MAP4: variants seen among roughly 807,000 people sequenced by gnomAD.
MAP4 encodes the protein microtubule associated protein 4, also known as microtubule-associated protein 4.
In MAP4, 76 loss-of-function variants were observed where a neutral mutation model predicts 170.2. The observed-to-expected ratio is 0.45, with a 90% CI of 0.37 to 0.54. The LOEUF is 0.54. Ranked by LOEUF, MAP4 falls within the 20% of genes least tolerant of loss-of-function variation. The pLI is 0.00. For synonymous variants in MAP4, 909 were observed against 994.5 expected, an observed-to-expected ratio of 0.91 and a Z score of 1.62; for missense variants, 2,506 against 2,748.0, an observed-to-expected ratio of 0.91 and a Z score of 1.97.
intron 2 of MAP4, among the ~76,000 whole-genome samples, chr3:47,979,783 T>A (rs1166947576): frequency 6.6e-6 from 1 of 152,008 alleles, no homozygotes; most frequent in Non-Finnish European, 1.5e-5. Context: ...TAAGGTAATA[T>A]GAGCCCTCCA....
chr3:47,897,834 C>T (rs193001820), intron 10 of MAP4, among the ~76,000 whole-genome samples: 8 of 150,188 alleles, frequency 5.3e-5, no homozygotes, highest in Non-Finnish European at 8.9e-5. Flanking sequence ...CCCAGCTACT[C>T]GGGAGTCTGA....
At chr3:48,078,311 A>ATTTTT (rs758589017) in intron 1 of MAP4, among the ~76,000 whole-genome samples, 1 of 125,240 alleles carries the variant, frequency 8.0e-6, no homozygotes, top group Non-Finnish European at 1.7e-5. Context: ...TGCCTGGCTA[A>ATTTTT]TTTTTTTTTT....
intron 1 of MAP4, among the ~76,000 whole-genome samples, chr3:48,046,226 G>A (rs1331278963): frequency 6.6e-6 from 1 of 151,806 alleles, no homozygotes; most frequent in African/African-American, 2.4e-5. Flanking sequence ...ATCGGTTATC[G>A]ATTTTTCTTA....
Position 47,877,457 on chromosome 3 carries a change from G to T in MAP4, c.5501C>A (p.Pro1834Gln), listed in dbSNP as rs1394465882. ...TGGGCTTGGTGGGAGCTCCTTGTTC[G>T]GTGGGGTGGTGATGTCATTTCCTGT... ...SGTGNDITTP[P>Q]NKELPPSPEK... is the part of the protein sequence containing the mutation. The change falls in exon 11 of 21, where the codon CCG becomes CAG. Residue 1834 changes from proline to glutamine, a missense_variant. Physicochemically the swap from Pro to Gln is moderately conservative, Grantham distance 76 (BLOSUM62 -1). Around this residue, in one of 3 missense-constraint regions of MAP4, gnomAD observed 2,008 missense variants for 2,206.0 expected, o/e 0.91. Coordinates refer to ENST00000683076, the MANE Select transcript of MAP4 (RefSeq NM_001385682.1). 1.9e-6 allele frequency: 3 copies of T among 1,614,026 alleles called. No homozygotes were observed. Among genetic ancestry groups the T allele is most frequent in the Middle Eastern group, 1.7e-4 (1 of 6,060 alleles).
chr3:48,037,192 G>A (rs752212008), intron 1 of MAP4, among the ~76,000 whole-genome samples: 1 of 152,190 alleles, frequency 6.6e-6, no homozygotes, highest in Non-Finnish European at 1.5e-5. Flanking sequence ...GCTGTCACAA[G>A]AGGTACAGAA....
intron 20 of MAP4, 104 bp downstream of exon 20, chr3:47,853,059 T>C (rs1244169561): frequency 6.2e-7 from 1 of 1,614,180 alleles, no homozygotes; most frequent in African/African-American, 1.3e-5. Context: ...AAAAGGTTAC[T>C]TCATTAAAAT....
chr3:48,029,567 G>C (rs562162916), intron 1 of MAP4, among the ~76,000 whole-genome samples: 143 of 152,188 alleles, frequency 9.4e-4, no homozygotes, highest in African/African-American at 3.4e-3. Context: ...TTATGGAAAA[G>C]GCAAGAATGC....
Position 47,998,834 on chromosome 3 carries a change from T to C in MAP4, c.27A>G (p.Ala9=). The C allele has an allele frequency of 1.2e-6, 2 of 1,614,164 alleles. No homozygotes were observed. The highest frequency in any genetic ancestry group is 1.7e-6 in the Non-Finnish European group (2 of 1,179,984). The change falls in exon 2 of 21, where the codon GCA becomes GCG. Residue 9 remains alanine (A), a synonymous_variant. Transcript: ENST00000683076. MADLSLAD[A]LTEPSPDIEG... ...CAATGTCTGGAGATGGTTCTGTTAA[T>C]GCATCTGCAAGACTGAGGTCAGCCA...
At chr3:47,938,751 C>G (rs1398752508) in intron 3 of MAP4, among the ~76,000 whole-genome samples, 1 of 152,210 alleles carries the variant, frequency 6.6e-6, no homozygotes, top group Non-Finnish European at 1.5e-5. Context: ...GCCCTTTCAT[C>G]TCTCTTAGTC....
chr3:47,957,149 T>C (rs754567406), intron 3 of MAP4, among the ~76,000 whole-genome samples: 5 of 152,158 alleles, frequency 3.3e-5, no homozygotes, highest in Non-Finnish European at 5.9e-5. Flanking sequence ...TCTACCACCA[T>C]GACATTCCAC....
chr3:48,076,155 C>T (rs561091006), intron 1 of MAP4, among the ~76,000 whole-genome samples: 2 of 151,412 alleles, frequency 1.3e-5, no homozygotes, highest in South Asian at 4.2e-4. Flanking sequence ...GCAAGGAAAG[C>T]GGATCACTTG....
chr3:47,897,010 T>C (rs1371492993), intron 10 of MAP4, among the ~76,000 whole-genome samples: 1 of 152,164 alleles, frequency 6.6e-6, no homozygotes, highest in East Asian at 1.9e-4. Flanking sequence ...TTGCCCATGA[T>C]CACATGGTGA....
intron 3 of MAP4, among the ~76,000 whole-genome samples, chr3:47,948,379 ATGTGCCACCATGCCAGGCTAATTTT>A (rs2100061505): frequency 6.6e-6 from 1 of 151,410 alleles, no homozygotes; most frequent in Non-Finnish European, 1.5e-5. Context: ...GACTGTGGGC[ATGTGCCACCATGCCAGGCTAATTTT>A]TGTAGAGACA....
intron 9 of MAP4, among the ~76,000 whole-genome samples, chr3:47,903,613 G>A (rs1271405405): frequency 6.6e-6 from 1 of 152,014 alleles, no homozygotes; most frequent in Non-Finnish European, 1.5e-5. Flanking sequence ...TCCCTGCCTG[G>A]AAGAACATGC....
intron 1 of MAP4, among the ~76,000 whole-genome samples, chr3:48,071,189 T>C (rs769964187): frequency 2.0e-5 from 3 of 152,056 alleles, no homozygotes; most frequent in Non-Finnish European, 4.4e-5. Flanking sequence ...TACCCCCATG[T>C]CTCTGTAACT....
At chr3:48,079,765 A>C (rs555968517) in intron 1 of MAP4, among the ~76,000 whole-genome samples, 2 of 152,166 alleles carry the variant, frequency 1.3e-5, no homozygotes, top group East Asian at 3.9e-4. Flanking sequence ...CCTGGCTAAC[A>C]AAGTGAAACA....
intron 3 of MAP4, among the ~76,000 whole-genome samples, chr3:47,949,465 CAAAAAAAAAAAAA>C (rs60076214): frequency 2.8e-5 from 2 of 70,890 alleles, no homozygotes; most frequent in Admixed American, 1.8e-4. Context: ...GACTGCGTCC[CAAAAAAAAAAAAA>C]AAAAAAAAAA....
intron 1 of MAP4, among the ~76,000 whole-genome samples, chr3:48,055,182 C>CTCCGTCTCCG (rs1559867024): frequency 6.1e-4 from 50 of 82,264 alleles, no homozygotes; most frequent in African/African-American, 2.5e-3. Context: ...AAAAGTCTCC[C>CTCCGTCTCCG]TCTCCCTCTC....
rs2046526672 is a variant in MAP4 at position 47,853,195 on chromosome 3, G to A, written c.6854C>T (p.Ala2285Val). ...TLSGGGDQRE[A>V]QTLDSQIQET... ...CTGGATCTGGCTGTCCAAGGTCTGG[G>A]CCTCCCTTTGGTCACCACCCCCTGA... Residue 2285 changes from alanine to valine, a missense_variant, in exon 20 of 21, where the codon GCC (alanine) becomes GTC (valine). Ala to Val is a moderately conservative substitution (Grantham distance 64). Around this residue, in one of 3 missense-constraint regions of MAP4, gnomAD observed 487 missense variants for 511.6 expected, o/e 0.95. Coordinates refer to ENST00000683076, the MANE Select transcript of MAP4 (RefSeq NM_001385682.1). The A allele has an allele frequency of 1.3e-6, 2 of 1,582,934 alleles. No individual in the cohort carries two copies. The highest frequency in any genetic ancestry group is 1.7e-6 in the Non-Finnish European group (2 of 1,163,354).
Sources: gnomAD v4.1 joint callset for allele counts (sites outside exome capture counted in the v4.1 genomes callset) on GRCh38, gnomAD v4.1.1 for gene constraint, gnomAD v4.1.1 regional missense constraint, MANE v1.5 for transcripts, NCBI Gene and HGNC (gene_info 2026-07-23, HGNC 2026-07-21) for gene names.